Variants in ANKRD30B observed in about 807,000 individuals in gnomAD.
ANKRD30B encodes ankyrin repeat domain 30B, also known as ankyrin repeat domain-containing protein 30B.
In ANKRD30B, 144 loss-of-function variants were observed where a neutral mutation model predicts 202.2. The observed-to-expected ratio is 0.71, with a 90% CI of 0.62 to 0.82. The LOEUF is 0.82. Among genes scored for constraint, ANKRD30B ranks in the 40% least tolerant of loss-of-function variants. The pLI is 0.00. For missense variants in ANKRD30B, 1,487 were observed against 1,669.1 expected (o/e 0.89, Z 1.90); for synonymous variants, 508 against 561.3 (o/e 0.91, Z 1.34).
chr18:14,901,235 T>C, the ANKRD30B span, among the ~76,000 whole-genome samples: 7 of 152,218 alleles, frequency 4.6e-5, no homozygotes, highest in Non-Finnish European at 1.0e-4. Flanking sequence ...CTTTGATTCA[T>C]TTCAAAAAGT....
the ANKRD30B span, among the ~76,000 whole-genome samples, chr18:14,889,320 T>G: frequency 2.0e-5 from 3 of 152,120 alleles, no homozygotes; most frequent in Non-Finnish European, 4.4e-5. Flanking sequence ...TTTTCTTTAT[T>G]TACTTCTACA....
At chr18:14,850,828 C>T (rs1446257124) in intron 41 of ANKRD30B, among the ~76,000 whole-genome samples, 4 of 151,692 alleles carry the variant, frequency 2.6e-5, no homozygotes, top group South Asian at 4.1e-4. Context: ...TTTATATTTA[C>T]GTATTTACCC....
intron 16 of ANKRD30B, among the ~76,000 whole-genome samples, chr18:14,794,729 G>T (rs1486743157): frequency 6.6e-6 from 1 of 152,200 alleles, no homozygotes; most frequent in Non-Finnish European, 1.5e-5. Flanking sequence ...TGCATATTTA[G>T]CCTTAAATCG....
chr18:14,787,669 G>A (rs190216932), intron 15 of ANKRD30B, among the ~76,000 whole-genome samples: 231 of 152,240 alleles, frequency 1.5e-3, no homozygotes, highest in Non-Finnish European at 2.8e-3. Context: ...GCAGTCTATT[G>A]AAAAATATAA....
chr18:14,876,261 C>G, the ANKRD30B span, among the ~76,000 whole-genome samples: 11 of 152,122 alleles, frequency 7.2e-5, no homozygotes, highest in African/African-American at 2.7e-4. Context: ...TCACAGTTCT[C>G]TGAATCTCAG....
chr18:14,875,898 G>C, the ANKRD30B span, among the ~76,000 whole-genome samples: 1 of 152,112 alleles, frequency 6.6e-6, no homozygotes, highest in Non-Finnish European at 1.5e-5. Context: ...AAGAATTCTT[G>C]CTTCCCAGGG....
At chr18:14,882,610 C>A in the ANKRD30B span, among the ~76,000 whole-genome samples, 1 of 152,012 alleles carries the variant, frequency 6.6e-6, no homozygotes, top group Non-Finnish European at 1.5e-5. Flanking sequence ...CTGTATATAT[C>A]TGTTAAGTCC....
chr18:14,808,612 A>T, intron 25 of ANKRD30B, 33 bp downstream of exon 25: 1 of 1,573,976 alleles, frequency 6.4e-7, no homozygotes, highest in Non-Finnish European at 8.7e-7. Flanking sequence ...GTTGAATATT[A>T]ACTACATATT....
rs759293133 is a variant in ANKRD30B at position 14,772,170 on chromosome 18, G to A, written c.1271G>A (p.Arg424Gln). The A allele has an allele frequency of 4.9e-5, 74 of 1,495,676 alleles. No individual in the cohort carries two copies. Among genetic ancestry groups the A allele is most frequent in the Non-Finnish European group, 6.2e-5 (69 of 1,114,170 alleles). 92.7% of individuals were successfully genotyped at this position (1,495,676 alleles called of 1,614,324 possible). A position where few individuals can be genotyped will look rare whatever the true frequency, so the allele number is the denominator to read the frequency against. The change falls in exon 9 of 44, where the codon CGG (arginine) becomes CAG (glutamine). Residue 424 changes from arginine to glutamine, a missense_variant. Coordinates refer to ENST00000690538, the MANE Select transcript of ANKRD30B (RefSeq NM_001367607.2). ...TTTCTTTAAAGTCTTTTTGGCACAC[G>A]GACTATTGAAAATTCACAGTGTACA... ...VEPIFSLFGTRTIENSQCTKV... is the reference protein window; with the variant it reads ...VEPIFSLFGTQTIENSQCTKV...
chr18:14,784,245 A>G, intron 12 of ANKRD30B, 91 bp from the exon 13 acceptor site: 2 of 1,314,542 alleles, frequency 1.5e-6, no homozygotes, highest in Non-Finnish European at 2.2e-6. Context: ...AAGTCAACCA[A>G]GAGGACTCAG....
chr18:14,903,028 C>T, the ANKRD30B span, among the ~76,000 whole-genome samples: 106 of 152,240 alleles, frequency 7.0e-4, no homozygotes, highest in Admixed American at 3.9e-4. Flanking sequence ...AGCACTTTCA[C>T]GGGGCTAAAA....
chr18:14,770,524 A>C (rs1966924614), intron 8 of ANKRD30B, among the ~76,000 whole-genome samples: 1 of 152,190 alleles, frequency 6.6e-6, no homozygotes, highest in Admixed American at 6.6e-5. Flanking sequence ...GAATGGAATT[A>C]GCTGGAGAAC....
chr18:14,849,970 T>A (rs1027236334), intron 40 of ANKRD30B, among the ~76,000 whole-genome samples: 3 of 151,660 alleles, frequency 2.0e-5, no homozygotes, highest in African/African-American at 7.2e-5. Context: ...CCATAACAGT[T>A]GTCAAAGTTA....
At chr18:14,796,090 A>G (rs1968868271) in intron 16 of ANKRD30B, 131 bp from the exon 17 acceptor site, 1 of 1,001,466 alleles carries the variant, frequency 1.0e-6, no homozygotes, top group Admixed American at 1.9e-5. Context: ...AGCCCAAAAG[A>G]CCCCAAAACC....
chr18:14,796,518 G>C (rs1458918176), intron 18 of ANKRD30B, 103 bp downstream of exon 18: 1 of 1,366,934 alleles, frequency 7.3e-7, no homozygotes. Context: ...TGAAAATTTG[G>C]TGGGAAAATT....
intron 5 of ANKRD30B, among the ~76,000 whole-genome samples, chr18:14,758,277 C>T (rs901459384): frequency 5.3e-5 from 8 of 152,174 alleles, no homozygotes; most frequent in African/African-American, 1.7e-4. Context: ...TGGGGGCTGT[C>T]TTCCATACCT....
chr18:14,798,664 T>C (rs1365402421), intron 20 of ANKRD30B, among the ~76,000 whole-genome samples: 1 of 152,128 alleles, frequency 6.6e-6, no homozygotes, highest in Non-Finnish European at 1.5e-5. Flanking sequence ...TGCGTCCATT[T>C]ATAGGCTCTC....
chr18:14,835,847 A>G (rs530717359), intron 34 of ANKRD30B, among the ~76,000 whole-genome samples: 5 of 152,120 alleles, frequency 3.3e-5, no homozygotes, highest in African/African-American at 1.2e-4. Context: ...TTTCTCTTGT[A>G]CAATTAAAAA....
chr18:14,828,893 A>T (rs1970783014), intron 33 of ANKRD30B, among the ~76,000 whole-genome samples: 1 of 152,170 alleles, frequency 6.6e-6, no homozygotes, highest in Non-Finnish European at 1.5e-5. Flanking sequence ...CTATAGATGG[A>T]TTATTTCACT....
Sources: allele counts gnomAD v4.1 joint callset (sites outside exome capture counted in the v4.1 genomes callset), GRCh38; gene constraint gnomAD v4.1.1; transcripts MANE v1.5; gene names NCBI Gene and HGNC (gene_info 2026-07-23, HGNC 2026-07-21).